FRMD4A: variants seen among roughly 807,000 people sequenced by gnomAD.
The protein encoded by FRMD4A is FERM domain containing 4A.
FRMD4A carries 29 observed loss-of-function variants against 129.1 expected under a neutral mutation model. The observed-to-expected ratio is 0.22, with a 90% confidence interval of 0.17 to 0.31. The LOEUF (loss-of-function observed/expected upper bound fraction) is 0.31. Among genes scored for constraint, FRMD4A ranks in the 10% least tolerant of loss-of-function variants. The pLI is 1.00. For synonymous variants in FRMD4A, 634 were observed against 571.6 expected (o/e 1.11, Z -1.56); for missense variants, 1,272 against 1,375.8 (o/e 0.92, Z 1.19).
intron 3 of FRMD4A, among the ~76,000 whole-genome samples, chr10:13,816,288 C>G (rs1011046043): frequency 6.6e-6 from 1 of 152,204 alleles, no homozygotes; most frequent in Non-Finnish European, 1.5e-5. Context: ...TGACTCTTAG[C>G]TGCTTTTAAA....
At chr10:13,677,673 TA>T (rs2084121068) in intron 15 of FRMD4A, among the ~76,000 whole-genome samples, 1 of 152,242 alleles carries the variant, frequency 6.6e-6, no homozygotes, top group South Asian at 2.1e-4. Flanking sequence ...TTACCAATCC[TA>T]AATTGTCTCC....
intron 2 of FRMD4A, among the ~76,000 whole-genome samples, chr10:14,293,153 G>C (rs1845901513): frequency 6.6e-6 from 1 of 152,202 alleles, no homozygotes; most frequent in Non-Finnish European, 1.5e-5. Context: ...CAACAGTGTT[G>C]AGAGGTGTGG....
At position 13,740,282 on chromosome 10, in the gene FRMD4A, C is replaced by A. The variant is rs142543999; in HGVS notation, c.615-31G>T. The A allele has an allele frequency of 1.0e-3, 1,518 of 1,496,350 alleles. 18 individuals carry two copies. The African/African-American group carries it at 0.018, about 18-fold the overall frequency. 92.7% of individuals were successfully genotyped at this position (1,496,350 alleles called of 1,614,324 possible). A position where few individuals can be genotyped will look rare whatever the true frequency, so the allele number is the denominator to read the frequency against. On this transcript the variant is annotated intron_variant, in intron 10 of 24. Coordinates refer to ENST00000357447, the MANE Select transcript of FRMD4A (RefSeq NM_018027.5). ...ATGACAACACGAAGATACACAAACA[C>A]ACACACAATGCGCAAAAGGCTAGTT...
At chr10:14,060,205 G>A (rs1707568088) in intron 2 of FRMD4A, among the ~76,000 whole-genome samples, 1 of 152,266 alleles carries the variant, frequency 6.6e-6, no homozygotes, top group East Asian at 1.9e-4. Context: ...AGAAAAAAAT[G>A]ACTACATTTC....
chr10:13,765,825 T>C (rs2092268803), intron 6 of FRMD4A, among the ~76,000 whole-genome samples: 2 of 152,196 alleles, frequency 1.3e-5, no homozygotes, highest in South Asian at 4.1e-4. Context: ...CCACAATAGA[T>C]GGTTTCTACT....
intron 2 of FRMD4A, among the ~76,000 whole-genome samples, chr10:13,918,223 T>C (rs1565035962): frequency 6.6e-6 from 1 of 152,226 alleles, no homozygotes; most frequent in African/African-American, 2.4e-5. Context: ...TTTAGTTCTC[T>C]GTTGTATCTC....
At chr10:14,243,940 T>C (rs1844144766) in intron 2 of FRMD4A, among the ~76,000 whole-genome samples, 2 of 151,924 alleles carry the variant, frequency 1.3e-5, no homozygotes, top group South Asian at 4.2e-4. Context: ...AAAGTGATCA[T>C]CAGTATCTTC....
chr10:13,966,094 CTCGAACT>C (rs2095483660), intron 2 of FRMD4A, among the ~76,000 whole-genome samples: 1 of 152,214 alleles, frequency 6.6e-6, no homozygotes, highest in East Asian at 1.9e-4. Flanking sequence ...ACTGCGACCT[CTCGAACT>C]CCCGACCTCC....
intron 5 of FRMD4A, among the ~76,000 whole-genome samples, chr10:13,790,273 C>T (rs1000138506): frequency 2.0e-5 from 3 of 152,124 alleles, no homozygotes; most frequent in African/African-American, 7.2e-5. Context: ...CATTTGGATG[C>T]AGAAAGACGA....
At chr10:14,029,227 G>A (rs1343711124) in intron 2 of FRMD4A, among the ~76,000 whole-genome samples, 1 of 151,882 alleles carries the variant, frequency 6.6e-6, no homozygotes, top group East Asian at 1.9e-4. Context: ...CGTTTTAGTG[G>A]TAAGATTCAA....
chr10:13,780,953 T>G (rs61364753), intron 6 of FRMD4A, among the ~76,000 whole-genome samples: 1,790 of 152,008 alleles, frequency 0.012, 65 homozygotes, highest in East Asian at 0.091. Context: ...CCTTTTGATG[T>G]ATGAATGGAT....
At chr10:14,203,168 CTCCTGTCCTTTT>C (rs55654857) in intron 2 of FRMD4A, among the ~76,000 whole-genome samples, 6,783 of 152,270 alleles carry the variant, frequency 0.045, 240 homozygotes, top group Non-Finnish European at 0.066. Flanking sequence ...CCTGCCTCCT[CTCCTGTCCTTTT>C]GCCTGTTTCT....
At chr10:14,281,749 T>C (rs1315721003) in intron 2 of FRMD4A, among the ~76,000 whole-genome samples, 1 of 152,204 alleles carries the variant, frequency 6.6e-6, no homozygotes, top group East Asian at 1.9e-4. Context: ...TTTAACTTAG[T>C]CATAAACCAT....
intron 16 of FRMD4A, among the ~76,000 whole-genome samples, chr10:13,673,403 T>A (rs1432382765): frequency 6.6e-6 from 1 of 152,156 alleles, no homozygotes; most frequent in Non-Finnish European, 1.5e-5. Flanking sequence ...AAGGCCTTAG[T>A]GTTTGGGGGA....
chr10:14,174,140 G>A lies in FRMD4A; in HGVS notation c.45+155918C>T, dbSNP rs186526310. Among the ~76,000 whole-genome samples the A allele has an allele frequency of 2.6e-5, 4 of 152,042 alleles. No homozygotes were observed. In the East Asian group the frequency reaches 7.8e-4, roughly 30 times the overall value. On this transcript the variant is annotated intron_variant, in intron 2 of 24. Transcript: ENST00000357447. Reference sequence around the variant, plus strand: ...CCACATGAAAAGAGCCATGTCGGGAGCCGTGGTGGCTCCCCTCTCCCGGGT... The same window carrying A: ...CCACATGAAAAGAGCCATGTCGGGAACCGTGGTGGCTCCCCTCTCCCGGGT...
At chr10:13,685,568 C>T in intron 15 of FRMD4A, 1 of 985,190 alleles carries the variant, frequency 1.0e-6, no homozygotes, top group Non-Finnish European at 1.2e-6. Context: ...TTCAGTCATC[C>T]TCATTCTGTG....
rs142361792 is a variant in FRMD4A at position 13,695,611 on chromosome 10, C to T, written c.976-1572G>A. Among the ~76,000 whole-genome samples, 5 of 152,346 alleles carry T rather than the reference C, an allele frequency of 3.3e-5. No homozygotes were observed. In the East Asian group the frequency reaches 9.6e-4, roughly 29 times the overall value. On this transcript the variant is annotated intron_variant, in intron 14 of 24. Transcript: ENST00000357447. Reference sequence around the variant, plus strand: ...CAGGCTTTGCCAGTACACAGAACTTCGTGAAAACAACTAGAAACGGTCACT... The same window carrying T: ...CAGGCTTTGCCAGTACACAGAACTTTGTGAAAACAACTAGAAACGGTCACT...
intron 2 of FRMD4A, among the ~76,000 whole-genome samples, chr10:13,886,923 G>C (rs2094629779): frequency 6.6e-6 from 1 of 152,208 alleles, no homozygotes; most frequent in African/African-American, 2.4e-5. Flanking sequence ...GCAAATAATT[G>C]CTAAGAAGGC....
intron 2 of FRMD4A, among the ~76,000 whole-genome samples, chr10:14,200,717 G>A (rs1476290186): frequency 6.6e-6 from 1 of 152,178 alleles, no homozygotes; most frequent in Non-Finnish European, 1.5e-5. Context: ...AGTCTGCGTG[G>A]TTCACTGTCC....
Sources: gnomAD v4.1 joint callset for allele counts (sites outside exome capture counted in the v4.1 genomes callset) on GRCh38, gnomAD v4.1.1 for gene constraint, MANE v1.5 for transcripts, NCBI Gene and HGNC (gene_info 2026-07-23, HGNC 2026-07-21) for gene names.